The following GTF3C2 variants were observed in gnomAD, a reference collection of about 807,000 sequenced individuals.
GTF3C2 encodes the protein general transcription factor 3C polypeptide 2.
A neutral mutation model predicts 117.4 loss-of-function variants in GTF3C2; 17 were observed. The observed-to-expected ratio is 0.14, with a 90% CI of 0.10 to 0.22. The LOEUF is 0.22. GTF3C2 is among the 10% of genes least tolerant of loss of function. The pLI, the probability that GTF3C2 is intolerant of heterozygous loss-of-function variation, is 1.00. For missense variants in GTF3C2, 888 were observed against 1,143.6 expected (o/e 0.78, Z 3.22); for synonymous variants, 437 against 427.0 (o/e 1.02, Z -0.29).
chr2:27,334,859 G>A (rs1351080328), intron 10 of GTF3C2, among the ~76,000 whole-genome samples: 2 of 151,948 alleles, frequency 1.3e-5, no homozygotes, highest in East Asian at 3.9e-4. Flanking sequence ...TGCCCCAGCT[G>A]GTCTCAAACT....
chr2:27,338,018 T>C, exon 5 of GTF3C2: 1 of 1,593,454 alleles, frequency 6.3e-7, no homozygotes, highest in Non-Finnish European at 8.6e-7. Context: ...GTGGTTTCTG[T>C]TTCTGAGGAT....
intron 1 of GTF3C2, among the ~76,000 whole-genome samples, chr2:27,346,771 T>A (rs1254594159): frequency 1.3e-5 from 2 of 152,094 alleles, no homozygotes; most frequent in African/African-American, 2.4e-5. Flanking sequence ...CACAGCTCAC[T>A]GCAGCCACTA....
At chr2:27,343,544 C>T in exon 2 of GTF3C2, 1 of 1,613,912 alleles carries the variant, frequency 6.2e-7, no homozygotes, top group South Asian at 1.1e-5. Flanking sequence ...GCCGACCCCG[C>T]AGGTATCCAT....
At position 27,337,375 on chromosome 2, in the gene GTF3C2, G is replaced by T. The variant is rs1002437312; in HGVS notation, c.1029-33C>A. 5.9e-6 allele frequency: 9 copies of T among 1,531,470 alleles called. No homozygotes were observed. In the South Asian group the frequency reaches 8.9e-5, roughly 15 times the overall value. 94.9% of individuals were successfully genotyped at this position (1,531,470 alleles called of 1,614,324 possible). A position where few individuals can be genotyped will look rare whatever the true frequency, so the allele number is the denominator to read the frequency against. On this transcript the variant is annotated intron_variant, in intron 6 of 18. Transcript: ENST00000264720. Reference sequence around the variant, plus strand: ...AAGACAAAGGGAACAGTCTAAATTTGGAAGTGTTTCACCCATCTCAGGGTT... The same window carrying T: ...AAGACAAAGGGAACAGTCTAAATTTTGAAGTGTTTCACCCATCTCAGGGTT...
intron 1 of GTF3C2, among the ~76,000 whole-genome samples, chr2:27,351,041 A>G (rs1018964907): frequency 5.3e-5 from 8 of 152,004 alleles, no homozygotes; most frequent in African/African-American, 1.7e-4. Flanking sequence ...ACTTATGCCC[A>G]GGAGTTGAAG....
chr2:27,337,734 C>T (rs1451205557), intron 5 of GTF3C2, 176 bp from the exon 6 acceptor site: 2 of 685,552 alleles, frequency 2.9e-6, no homozygotes, highest in African/African-American at 1.8e-5. Flanking sequence ...AGAAACAGAG[C>T]CTTTCATTTT....
At chr2:27,354,198 G>A (rs36036730) in intron 1 of GTF3C2, among the ~76,000 whole-genome samples, 3,767 of 152,040 alleles carry the variant, frequency 0.025, 63 homozygotes, top group Middle Eastern at 0.058. Context: ...CAGGAGGATC[G>A]CCTGAGCCCA....
At chr2:27,331,736 G>A (rs1476088891) in intron 12 of GTF3C2, among the ~76,000 whole-genome samples, 2 of 151,826 alleles carry the variant, frequency 1.3e-5, no homozygotes, top group African/African-American at 4.8e-5. Flanking sequence ...CTCAGGAGGT[G>A]AAGACCAGCC....
intron 9 of GTF3C2, 89 bp downstream of exon 9, chr2:27,335,824 TCCAA>T (rs1004521250): frequency 2.8e-6 from 3 of 1,084,462 alleles, no homozygotes; most frequent in African/African-American, 3.1e-5. Flanking sequence ...TCCACTACAC[TCCAA>T]CCTTCGTTCC....
intron 1 of GTF3C2, among the ~76,000 whole-genome samples, chr2:27,355,460 C>A (rs1681305339): frequency 6.6e-6 from 1 of 151,254 alleles, no homozygotes; most frequent in Non-Finnish European, 1.5e-5. Flanking sequence ...GCGGAGGTTG[C>A]AGTGAGCCGA....
At chr2:27,334,971 T>A (rs1009427897) in intron 10 of GTF3C2, among the ~76,000 whole-genome samples, 5 of 152,020 alleles carry the variant, frequency 3.3e-5, no homozygotes, top group Non-Finnish European at 5.9e-5. Flanking sequence ...GAAAGAATGG[T>A]CTATATTTAC....
At chr2:27,342,329 T>A (rs1680765448) in intron 3 of GTF3C2, 96 bp from the exon 4 acceptor site, 1 of 960,092 alleles carries the variant, frequency 1.0e-6, no homozygotes. Context: ...AGCCTCCCAA[T>A]AACCCCATGA....
At chr2:27,327,100 T>C in intron 18 of GTF3C2, 77 bp downstream of exon 18, 2 of 803,928 alleles carry the variant, frequency 2.5e-6, no homozygotes, top group Non-Finnish European at 4.2e-6. Context: ...TGTAACCTTT[T>C]CATCTACCAT....
At chr2:27,338,328 C>G (rs1680572532) in intron 4 of GTF3C2, 1 of 343,946 alleles carries the variant, frequency 2.9e-6, no homozygotes. Context: ...GGAATAGTCT[C>G]CCTTACTCCT....
chr2:27,351,718 G>C lies in GTF3C2; in HGVS notation c.-25+5021C>G, dbSNP rs749558331. Among the ~76,000 whole-genome samples the C allele has an allele frequency of 2.6e-4, 40 of 152,058 alleles. 2 individuals carry two copies. Among genetic ancestry groups the C allele is most frequent in the Non-Finnish European group, 2.9e-5 (2 of 68,012 alleles). On this transcript the variant is annotated intron_variant, in intron 1 of 18. Coordinates refer to ENST00000264720, the Ensembl canonical transcript of GTF3C2. ...AAACCTAAATCATATTCAGAATCTT[G>C]GATGCAAAAAATTCCAGACAATGAA...
chr2:27,326,914 A>C (rs370776889), intron 18 of GTF3C2, 21 bp from the exon 19 acceptor site: 3 of 1,508,086 alleles, frequency 2.0e-6, no homozygotes, highest in Non-Finnish European at 2.8e-6. Flanking sequence ...AACAGAAAAC[A>C]AGAGAGAGAT....
At chr2:27,337,552 C>T (rs1680532899) in exon 6 of GTF3C2, 7 of 1,606,782 alleles carry the variant, frequency 4.4e-6, no homozygotes, top group African/African-American at 2.7e-5. Flanking sequence ...AATGTTTCTG[C>T]TCTCGGCTGG....
intron 4 of GTF3C2, 85 bp from the exon 5 acceptor site, chr2:27,338,105 T>C (rs977189617): frequency 1.2e-6 from 1 of 844,692 alleles, no homozygotes; most frequent in African/African-American, 1.7e-5. Context: ...CCAGTTTTTA[T>C]CTTCTTTGGC....
At chr2:27,349,397 G>A (rs973840213) in intron 1 of GTF3C2, among the ~76,000 whole-genome samples, 11 of 141,892 alleles carry the variant, frequency 7.8e-5, no homozygotes, top group African/African-American at 2.6e-4. Flanking sequence ...TCCGCCCGCC[G>A]CGGCCTCCCA....
Sources: gnomAD v4.1 joint callset for allele counts (sites outside exome capture counted in the v4.1 genomes callset) on GRCh38, gnomAD v4.1.1 for gene constraint, MANE v1.5 for transcripts, NCBI Gene and HGNC (gene_info 2026-07-23, HGNC 2026-07-21) for gene names.